MID2: variants seen among roughly 807,000 people sequenced by gnomAD.
MID2 encodes the protein probable E3 ubiquitin-protein ligase MID2.
In MID2, 13 loss-of-function variants were observed where a neutral mutation model predicts 46.1. The observed-to-expected ratio is 0.28, with a 90% confidence interval of 0.18 to 0.45. The LOEUF (loss-of-function observed/expected upper bound fraction) is 0.45, where lower values mean the gene tolerates loss of function less well. Ranked by LOEUF, MID2 falls within the 20% of genes least tolerant of loss-of-function variation. The pLI, the probability that MID2 is intolerant of heterozygous loss-of-function variation, is 1.00. For missense variants in MID2, 431 were observed against 575.4 expected, an observed-to-expected ratio of 0.75 and a Z score of 2.57; for synonymous variants, 199 against 212.3, an observed-to-expected ratio of 0.94 and a Z score of 0.55.
At chrX:107,825,748 TG>T (rs1930925726), upstream of MID2, 1 of 154,913 alleles carries the variant, frequency 6.5e-6, no homozygotes, top group South Asian at 3.6e-4. Flanking sequence ...CCTCTCGGTG[TG>T]TCTTCCTTCA....
At chrX:107,899,753 C>G (rs764947316) in intron 3 of MID2, among the ~76,000 whole-genome samples, 1 of 111,207 alleles carries the variant, frequency 9.0e-6, no homozygotes, top group Non-Finnish European at 1.9e-5. Flanking sequence ...TTTTTTTCCA[C>G]AGACATAAAG....
chrX:107,924,549 A>G (rs750280507), intron 8 of MID2, 45 bp downstream of exon 8: 13 of 1,174,143 alleles, frequency 1.1e-5, no homozygotes, highest in African/African-American at 1.8e-5. Context: ...TTTCTTCTCC[A>G]TGCCAGGGGA....
intron 8 of MID2, 56 bp downstream of exon 8, chrX:107,924,560 G>C: frequency 8.8e-7 from 1 of 1,142,695 alleles, no homozygotes; most frequent in Non-Finnish European, 1.2e-6. Flanking sequence ...TGCCAGGGGA[G>C]TACACAGCCT....
At chrX:107,920,037 G>GA (rs1461072490) in intron 7 of MID2, among the ~76,000 whole-genome samples, 1 of 111,891 alleles carries the variant, frequency 8.9e-6, no homozygotes, top group Non-Finnish European at 1.9e-5. Context: ...GTTATTGATA[G>GA]AAAATTTTGT....
chrX:107,873,812 C>T (rs954970308), intron 3 of MID2, among the ~76,000 whole-genome samples: 2 of 111,458 alleles, frequency 1.8e-5, no homozygotes, highest in African/African-American at 6.5e-5. Context: ...GGATAATAGT[C>T]TATTAATTTC....
intron 3 of MID2, among the ~76,000 whole-genome samples, chrX:107,873,666 G>C (rs1932126736): frequency 8.9e-6 from 1 of 112,245 alleles, no homozygotes; most frequent in African/African-American, 3.2e-5. Context: ...GCTTCAAGTG[G>C]ATCAGAAATC....
intron 3 of MID2, among the ~76,000 whole-genome samples, chrX:107,882,720 T>C (rs1265224484): frequency 8.9e-6 from 1 of 111,955 alleles, no homozygotes; most frequent in Non-Finnish European, 1.9e-5. Flanking sequence ...CTGGAGAGGT[T>C]GTGGAGAAAT....
intron 6 of MID2, among the ~76,000 whole-genome samples, chrX:107,916,852 A>G (rs975102801): frequency 2.7e-5 from 3 of 112,955 alleles, no homozygotes; most frequent in African/African-American, 9.6e-5. Flanking sequence ...CTAAAAATAT[A>G]TAATGGGGCT....
At chrX:107,852,542 C>G (rs938464166) in intron 2 of MID2, among the ~76,000 whole-genome samples, 3 of 110,847 alleles carry the variant, frequency 2.7e-5, no homozygotes, top group Admixed American at 9.7e-5. Flanking sequence ...ACATTGTGCC[C>G]CAATACAAGA....
At position 107,930,462 on chromosome X, in the gene MID2, C is replaced by T. The variant is rs950394819; in HGVS notation, c.*3389C>T. ...GTTGTTTGAAGGTGGATTTACATTT[C>T]GGTTATAGCCAAAAATCACTCAAAG... On this transcript the variant is annotated 3_prime_UTR_variant, in exon 10 of 10. Coordinates refer to ENST00000262843, the MANE Select transcript of MID2 (RefSeq NM_012216.4). Among the ~76,000 whole-genome samples, 5 of 111,760 alleles carry T rather than the reference C, an allele frequency of 4.5e-5. No individual in the cohort carries two copies. Among genetic ancestry groups the T allele is most frequent in the East Asian group, 2.8e-4 (1 of 3,583 alleles).
intron 1 of MID2, among the ~76,000 whole-genome samples, chrX:107,830,666 C>A (rs1387988140): frequency 2.7e-5 from 3 of 112,107 alleles, no homozygotes; most frequent in African/African-American, 9.7e-5. Context: ...ATATTGTGTT[C>A]ATCACTAAGC....
chrX:107,834,798 T>C (rs1465911545), intron 1 of MID2, among the ~76,000 whole-genome samples: 2 of 111,654 alleles, frequency 1.8e-5, no homozygotes, highest in Non-Finnish European at 3.8e-5. Flanking sequence ...CAGTTGTTAG[T>C]ATAGTATAGT....
rs1416213858 is a variant in MID2 at position 107,889,937 on chromosome X, C to T, written c.817-14021C>T. The stretch of plus-strand genomic sequence containing the variant: ...GCTACTGAGGCTTGTGCATTCATCA[C>T]ATAGTTCTCGTGCCATGGTTTTCAG... On this transcript the variant is annotated intron_variant, in intron 3 of 9. Transcript: ENST00000262843. Among the ~76,000 whole-genome samples, 3 of 112,119 alleles carry T rather than the reference C, an allele frequency of 2.7e-5. No individual in the cohort carries two copies. The South Asian group carries it at 1.1e-3, about 42-fold the overall frequency.
chrX:107,866,913 C>G (rs1391852611), intron 3 of MID2, among the ~76,000 whole-genome samples: 1 of 111,850 alleles, frequency 8.9e-6, no homozygotes, highest in Non-Finnish European at 1.9e-5. Flanking sequence ...TTCTCAGTTA[C>G]CTCTGAGACA....
rs1452468067 is a variant in MID2 at position 107,826,423 on chromosome X, C to CG, written c.-3dup. On this transcript the variant is annotated 5_prime_UTR_variant, in exon 1 of 10. Transcript: ENST00000262843. ...GGAGGAGATGGCTGGCACCTGGGAA[C>CG]GCTATGGGTAAAACGCGCCCCCTCG... 2 of 1,137,094 alleles carry CG rather than the reference C, an allele frequency of 1.8e-6. No homozygotes were observed. Among genetic ancestry groups the CG allele is most frequent in the African/African-American group, 3.8e-5 (2 of 52,919 alleles). The allele number at this position is 1,137,094 out of a possible 1,213,427, so 93.7% of individuals were successfully genotyped here.
rs17326703 is a variant in MID2 at position 107,915,710 on chromosome X, G to A, written c.1074-292G>A. On this transcript the variant is annotated intron_variant, in intron 5 of 9. Coordinates refer to ENST00000262843, the MANE Select transcript of MID2 (RefSeq NM_012216.4). The stretch of plus-strand genomic sequence containing the variant: ...TAGTTTTGATGCTGTCTGCCAGATG[G>A]AAAATGATGCAGAGGGGAAAAAATC... Among the ~76,000 whole-genome samples the A allele has an allele frequency of 6.1e-3, 684 of 111,830 alleles. 6 individuals carry two copies. The highest frequency in any genetic ancestry group is 0.023 in the Middle Eastern group (5 of 218).
chrX:107,891,021 T>G (rs1180754461), intron 3 of MID2, among the ~76,000 whole-genome samples: 1 of 110,474 alleles, frequency 9.1e-6, no homozygotes, highest in African/African-American at 3.3e-5. Context: ...CTCACCCGTT[T>G]CTTTGACTAG....
In MID2 at chrX:107,849,663, G is replaced by T. The variant is rs1468497864; in HGVS notation, c.721-4946G>T. The stretch of plus-strand genomic sequence containing the variant: ...ACACAATAAAACTTGGGTAAAAATG[G>T]AATCAGTGTAGACTGCCAATTTAGC... On this transcript the variant is annotated intron_variant, in intron 2 of 9. Transcript: ENST00000262843. 5.4e-5 allele frequency among the ~76,000 whole-genome samples: 6 copies of T among 112,078 alleles called. No homozygotes were observed. The Admixed American group carries it at 5.7e-4, about 11-fold the overall frequency.
intron 7 of MID2, among the ~76,000 whole-genome samples, chrX:107,918,291 C>T (rs1443898061): frequency 9.0e-6 from 1 of 111,442 alleles, no homozygotes. Context: ...GAACTTCACT[C>T]ATGCCAGTCA....
Sources: allele counts gnomAD v4.1 joint callset (sites outside exome capture counted in the v4.1 genomes callset), GRCh38; gene constraint gnomAD v4.1.1; transcripts MANE v1.5; gene names NCBI Gene and HGNC (gene_info 2026-07-23, HGNC 2026-07-21).